The following CTNNA2 variants were observed in gnomAD, a reference collection of about 807,000 sequenced individuals.
CTNNA2 encodes the protein catenin alpha 2, also known as catenin alpha-2.
In CTNNA2, 42 loss-of-function variants were observed where a neutral mutation model predicts 101.0. That is an observed-to-expected ratio of 0.42 (90% CI 0.32 to 0.54). The LOEUF (loss-of-function observed/expected upper bound fraction) is 0.54. Ranked by LOEUF, CTNNA2 falls within the 20% of genes least tolerant of loss-of-function variation. CTNNA2 has a pLI of 0.14. For missense variants in CTNNA2, 871 were observed against 1,223.1 expected (o/e 0.71, Z 4.29); for synonymous variants, 450 against 456.4 (o/e 0.99, Z 0.18).
intron 6 of CTNNA2, among the ~76,000 whole-genome samples, chr2:79,885,777 A>C (rs551798304): frequency 6.6e-6 from 1 of 152,316 alleles, no homozygotes; most frequent in Non-Finnish European, 1.5e-5. Context: ...TATCTCTGCT[A>C]TGTGTCTGAG....
Position 79,340,693 on chromosome 2 carries a change from C to T in CTNNA2, c.-318+27897C>T, listed in dbSNP as rs186967913. 2.7e-3 allele frequency among the ~76,000 whole-genome samples: 411 copies of T among 151,844 alleles called. 4 individuals carry two copies. The highest frequency in any genetic ancestry group is 9.3e-3 in the African/African-American group (385 of 41,460). On this transcript the variant is annotated intron_variant, in intron 3 of 21. Coordinates refer to the CTNNA2 transcript ENST00000466387. ...CTAAAAATACAAAAATTTAGCCAGG[C>T]GTGGGTTGCAGGCGCCTGTAGTCCC...
chr2:79,541,226 A>G (rs1278721426), intron 1 of CTNNA2, among the ~76,000 whole-genome samples: 2 of 151,260 alleles, frequency 1.3e-5, no homozygotes, highest in African/African-American at 4.9e-5. Flanking sequence ...ATATATATGT[A>G]CACACACACA....
chr2:79,456,386 A>G (rs575487487), intron 4 of CTNNA2, among the ~76,000 whole-genome samples: 2 of 152,210 alleles, frequency 1.3e-5, no homozygotes, highest in African/African-American at 4.8e-5. Flanking sequence ...AAAGATTCTT[A>G]AAGCCATTTA....
At chr2:80,398,700 C>CAAA (rs1236606091) in intron 8 of CTNNA2, among the ~76,000 whole-genome samples, 28 of 97,698 alleles carry the variant, frequency 2.9e-4, no homozygotes, top group African/African-American at 7.6e-4. Context: ...GCTAAAAATA[C>CAAA]AAAAAAAAAA....
intron 7 of CTNNA2, among the ~76,000 whole-genome samples, chr2:80,183,444 A>C (rs1355840306): frequency 2.6e-5 from 4 of 152,222 alleles, no homozygotes; most frequent in Admixed American, 1.3e-4. Flanking sequence ...CAAAACCACA[A>C]AAATGCTGTG....
At chr2:79,376,829 G>A (rs1677982007) in intron 4 of CTNNA2, among the ~76,000 whole-genome samples, 1 of 152,110 alleles carries the variant, frequency 6.6e-6, no homozygotes, top group South Asian at 2.1e-4. Context: ...CATTTTTTAT[G>A]GCTGCATAGT....
intron 4 of CTNNA2, among the ~76,000 whole-genome samples, chr2:79,375,612 T>C (rs1194017835): frequency 6.6e-6 from 1 of 152,082 alleles, no homozygotes; most frequent in Non-Finnish European, 1.5e-5. Context: ...ATAGGCCTGT[T>C]AAAAATACTC....
chr2:79,735,986 T>A (rs1573828831), intron 2 of CTNNA2, among the ~76,000 whole-genome samples: 2 of 152,222 alleles, frequency 1.3e-5, no homozygotes, highest in Admixed American at 1.3e-4. Flanking sequence ...TATTTACTTC[T>A]TTTTTAATCT....
intron 1 of CTNNA2, among the ~76,000 whole-genome samples, chr2:79,584,912 A>G (rs2103932890): frequency 6.6e-6 from 1 of 152,318 alleles, no homozygotes; most frequent in East Asian, 1.9e-4. Context: ...ATTTTTTAAA[A>G]GCTGGTAGTT....
At chr2:79,388,365 G>A (rs971840391) in intron 4 of CTNNA2, among the ~76,000 whole-genome samples, 2 of 152,078 alleles carry the variant, frequency 1.3e-5, no homozygotes, top group Admixed American at 6.5e-5. Flanking sequence ...TTTTGTTATC[G>A]ATTCGCTGGC....
chr2:79,991,978 T>G (rs1388091530), intron 7 of CTNNA2, among the ~76,000 whole-genome samples: 2 of 152,120 alleles, frequency 1.3e-5, no homozygotes, highest in Non-Finnish European at 2.9e-5. Flanking sequence ...GTAAAATTTG[T>G]TTTGTTTCTT....
chr2:79,590,885 T>C (rs1438076859), intron 1 of CTNNA2, among the ~76,000 whole-genome samples: 1 of 152,208 alleles, frequency 6.6e-6, no homozygotes, highest in Non-Finnish European at 1.5e-5. Flanking sequence ...TACTTTAATT[T>C]TGTTTTCTTT....
chr2:79,755,587 G>A (rs1156487323), intron 3 of CTNNA2, among the ~76,000 whole-genome samples: 1 of 152,098 alleles, frequency 6.6e-6, no homozygotes, highest in African/African-American at 2.4e-5. Flanking sequence ...CCCTGCGTGG[G>A]TATGGGAGGA....
chr2:80,009,470 T>C (rs1315097465), intron 7 of CTNNA2, among the ~76,000 whole-genome samples: 1 of 152,204 alleles, frequency 6.6e-6, no homozygotes, highest in Non-Finnish European at 1.5e-5. Context: ...GCCTGAAGAC[T>C]CAACTGTGAA....
chr2:79,967,612 G>T (rs1290641013), intron 7 of CTNNA2, among the ~76,000 whole-genome samples: 1 of 152,142 alleles, frequency 6.6e-6, no homozygotes, highest in Non-Finnish European at 1.5e-5. Context: ...TCAACAAGAT[G>T]AGCTAATTTC....
intron 9 of CTNNA2, among the ~76,000 whole-genome samples, chr2:80,497,748 G>A (rs1459208446): frequency 1.3e-5 from 2 of 152,170 alleles, no homozygotes; most frequent in Non-Finnish European, 2.9e-5. Context: ...TGGTATGTGT[G>A]GAGAAGGTCA....
chr2:80,161,030 T>C (rs964837840), intron 7 of CTNNA2, among the ~76,000 whole-genome samples: 1 of 152,194 alleles, frequency 6.6e-6, no homozygotes, highest in African/African-American at 2.4e-5. Flanking sequence ...TTGATATCAT[T>C]GTGTGAATTT....
At chr2:79,431,255 T>C (rs1231693239) in intron 4 of CTNNA2, among the ~76,000 whole-genome samples, 3 of 152,172 alleles carry the variant, frequency 2.0e-5, no homozygotes, top group African/African-American at 4.8e-5. Context: ...AGACCGGTAA[T>C]GTTATTCTCT....
intron 2 of CTNNA2, among the ~76,000 whole-genome samples, chr2:79,278,095 C>T (rs541224560): frequency 2.6e-5 from 4 of 152,120 alleles, no homozygotes; most frequent in African/African-American, 4.8e-5. Context: ...CTAGAAAGTT[C>T]AGGCCACTGT....
Sources: allele counts gnomAD v4.1 joint callset (sites outside exome capture counted in the v4.1 genomes callset), GRCh38; gene constraint gnomAD v4.1.1; transcripts MANE v1.5; gene names NCBI Gene and HGNC (gene_info 2026-07-23, HGNC 2026-07-21).